MAK: variants seen among roughly 807,000 people sequenced by gnomAD.
MAK encodes the protein serine/threonine-protein kinase MAK.
In MAK, 65 loss-of-function variants were observed where a neutral mutation model predicts 82.6. That is an observed-to-expected ratio of 0.79 (90% CI 0.64 to 0.97). MAK has a LOEUF of 0.97. Ranked by LOEUF, MAK falls within the 50% of genes least tolerant of loss-of-function variation. The pLI, the probability that MAK is intolerant of heterozygous loss-of-function variation, is 0.00. For synonymous variants in MAK, 250 were observed against 274.2 expected, an observed-to-expected ratio of 0.91 and a Z score of 0.87; for missense variants, 703 against 780.2, an observed-to-expected ratio of 0.90 and a Z score of 1.18.
intron 6 of MAK, among the ~76,000 whole-genome samples, chr6:10,808,281 G>A (rs530074696): frequency 5.7e-4 from 87 of 152,158 alleles, no homozygotes; most frequent in East Asian, 2.3e-3. Context: ...TCTAAGATTC[G>A]TCCACATTGC....
intron 9 of MAK, among the ~76,000 whole-genome samples, chr6:10,794,009 T>TATC (rs1463318752): frequency 2.6e-5 from 4 of 152,190 alleles, no homozygotes; most frequent in Non-Finnish European, 4.4e-5. Flanking sequence ...AACTGAGAGT[T>TATC]ATCAGTCATT....
At chr6:10,785,774 G>A (rs1330087428) in intron 10 of MAK, among the ~76,000 whole-genome samples, 3 of 152,212 alleles carry the variant, frequency 2.0e-5, no homozygotes, top group Non-Finnish European at 4.4e-5. Flanking sequence ...GTCACTAGTG[G>A]CACTAAATGC....
rs1775551737 is a variant in MAK, at chr6:10,796,278, T to C, written c.863A>G (p.Gln288Arg). 3.1e-6 allele frequency: 5 copies of C among 1,613,828 alleles called. No individual in the cohort carries two copies. The highest frequency in any genetic ancestry group is 2.2e-5 in the South Asian group (2 of 91,084). ...ALKHPYFQVG[Q>R]VLGPSSNHLE... is the part of the protein sequence containing the mutation. Reference sequence around the variant, plus strand: ...ATGATTTGACGAAGGGCCTAATACCTGACCAACTTGAAAATATGGGTGTTT... The same window carrying C: ...ATGATTTGACGAAGGGCCTAATACCCGACCAACTTGAAAATATGGGTGTTT... The change falls in exon 9 of 15, where the codon CAG becomes CGG. Residue 288 changes from glutamine (Q) to arginine (R), a missense_variant. Transcript: ENST00000354489.
At chr6:10,813,126 ATATATATAAATTTTTTTT>A (rs1561987528) in intron 5 of MAK, among the ~76,000 whole-genome samples, 3 of 682 alleles carry the variant, frequency 4.4e-3, no homozygotes, top group Non-Finnish European at 9.0e-3. Context: ...ATATATATAT[ATATATATAAATTTTTTTT>A]TTTTTTTTTT....
At chr6:10,828,668 G>A (rs978111740) in intron 2 of MAK, among the ~76,000 whole-genome samples, 1 of 152,010 alleles carries the variant, frequency 6.6e-6, no homozygotes, top group African/African-American at 2.4e-5. Flanking sequence ...TGTGGTACAC[G>A]CCTACAGTCC....
At position 10,776,675 on chromosome 6, in the gene MAK, T is replaced by C. The variant is rs1773479287; in HGVS notation, c.1466-1216A>G. ...TCCCTTATTTTGAAACCAGAAATAC[T>C]GCACCTCAAAAGTTACCCATTATCA... On this transcript the variant is annotated intron_variant, in intron 11 of 14. Coordinates refer to ENST00000354489, the MANE Select transcript of MAK (RefSeq NM_001242957.3). The surrounding 1 kb of genome is among the most constrained non-coding windows in gnomAD (Gnocchi z 4.3). Among the ~76,000 whole-genome samples, 3 of 152,202 alleles carry C rather than the reference T, an allele frequency of 2.0e-5. No homozygotes were observed. The highest frequency in any genetic ancestry group is 4.1e-4 in the South Asian group (2 of 4,836).
At chr6:10,823,691 G>A (rs1178649870) in intron 2 of MAK, among the ~76,000 whole-genome samples, 4 of 152,024 alleles carry the variant, frequency 2.6e-5, no homozygotes, top group Non-Finnish European at 5.9e-5. Flanking sequence ...GACCACACCC[G>A]GCTAATTTTT....
rs1778740176 is a variant in MAK, at chr6:10,830,562, C to T, written c.87G>A (p.Leu29=). 1.2e-6 allele frequency: 2 copies of T among 1,613,820 alleles called. No homozygotes were observed. Among genetic ancestry groups the T allele is most frequent in the Admixed American group, 1.7e-5 (1 of 59,998 alleles). The stretch of plus-strand genomic sequence containing the variant: ...ACACACAGTACCTTTTGATGGCCAC[C>T]AGCTCCCCGGATTCATTACTCTTGC... The part of the protein sequence containing the change: ...LMGKSNESGE[L]VAIKRMKRKF... Residue 29 remains leucine (L), a synonymous_variant, in exon 2 of 15, where the codon CTG becomes CTA. Coordinates refer to ENST00000354489, the MANE Select transcript of MAK (RefSeq NM_001242957.3).
chr6:10,830,486 G>C lies in MAK; in HGVS notation c.101+62C>G, dbSNP rs944888273. On this transcript the variant is annotated intron_variant, in intron 2 of 14. Transcript: ENST00000354489. ...CCTGTGCTGGTATATATTCTTAAGC[G>C]AGGACAGGAAAATAAAGAGCAGAGT... is the stretch of plus-strand genomic sequence containing the variant. 3.7e-6 allele frequency: 5 copies of C among 1,352,244 alleles called. No homozygotes were observed. The African/African-American group carries it at 5.7e-5, about 15-fold the overall frequency. The allele number at this position is 1,352,244 out of a possible 1,614,324, so 83.8% of individuals were successfully genotyped here.
chr6:10,765,471 T>TTTTTTTTTTTTTTTA lies in MAK; in HGVS notation c.1793-866_1793-865insTAAAAAAAAAAAAAA, dbSNP rs1561923828. 6.9e-4 allele frequency among the ~76,000 whole-genome samples: 79 copies of TTTTTTTTTTTTTTTA among 115,046 alleles called. 3 individuals are homozygous for TTTTTTTTTTTTTTTA. Among genetic ancestry groups the TTTTTTTTTTTTTTTA allele is most frequent in the African/African-American group, 2.6e-3 (78 of 29,658 alleles). The allele number at this position is 115,046 out of a possible 152,430, so 75.5% of individuals were successfully genotyped here. A position where few individuals can be genotyped will look rare whatever the true frequency, so the allele number is the denominator to read the frequency against. On this transcript the variant is annotated intron_variant, in intron 14 of 14. Coordinates refer to ENST00000354489, the MANE Select transcript of MAK (RefSeq NM_001242957.3). ...TTTTTTTTTTTTTTTTTTTTTTTTTTTTAATGAGGCAGAGTTTCGCCCTTG... is the reference window on the plus strand; with the variant it reads ...TTTTTTTTTTTTTTTTTTTTTTTTTTTTTTTTTTTTTTTTATTAATGAGGCAGAGTTTCGCCCTTG...
chr6:10,805,469 C>T (rs1354540914), intron 6 of MAK, among the ~76,000 whole-genome samples: 1 of 151,496 alleles, frequency 6.6e-6, no homozygotes, highest in Non-Finnish European at 1.5e-5. Flanking sequence ...CGTCTGTAAG[C>T]TCAGCTACTC....
chr6:10,789,541 A>G (rs1774898049), intron 10 of MAK, among the ~76,000 whole-genome samples: 1 of 152,228 alleles, frequency 6.6e-6, no homozygotes, highest in Non-Finnish European at 1.5e-5. Flanking sequence ...ATAGATACCT[A>G]TGAGGAAGTT....
In MAK at chr6:10,796,310, C is replaced by T; in HGVS notation, c.832-1G>A. On this transcript the variant is annotated splice_acceptor_variant, in intron 8 of 14. Coordinates refer to ENST00000354489, the MANE Select transcript of MAK (RefSeq NM_001242957.3). LOFTEE classifies it high-confidence loss of function. Reference sequence around the variant, plus strand: ...CTTGAAAATATGGGTGTTTCAATGCCTATAAAAACACAGAGAAAACAACAA... The same window carrying T: ...CTTGAAAATATGGGTGTTTCAATGCTTATAAAAACACAGAGAAAACAACAA... 1.2e-6 allele frequency: 2 copies of T among 1,609,974 alleles called. No homozygotes were observed. Among genetic ancestry groups the T allele is most frequent in the Non-Finnish European group, 1.7e-6 (2 of 1,178,012 alleles).
chr6:10,791,887 A>G, intron 9 of MAK, 40 bp from the exon 10 acceptor site: 1 of 1,601,444 alleles, frequency 6.2e-7, no homozygotes, highest in Non-Finnish European at 8.6e-7. Flanking sequence ...TTAATCATGT[A>G]CTGAATGCCT....
chr6:10,825,499 A>G (rs1014162168), intron 2 of MAK, among the ~76,000 whole-genome samples: 1 of 151,916 alleles, frequency 6.6e-6, no homozygotes. Flanking sequence ...TTCTCCCTCT[A>G]AAGAGTTTCA....
intron 2 of MAK, among the ~76,000 whole-genome samples, chr6:10,820,040 A>C (rs1024415190): frequency 1.2e-4 from 18 of 151,746 alleles, no homozygotes; most frequent in Non-Finnish European, 2.1e-4. Context: ...TGAACCCGGG[A>C]GGTGGAGCTT....
chr6:10,800,599 G>A lies in MAK; in HGVS notation c.831+1293C>T, dbSNP rs1775941650. Among the ~76,000 whole-genome samples, 1 of 151,968 alleles carries A rather than the reference G, an allele frequency of 6.6e-6. No homozygotes were observed. Among genetic ancestry groups the A allele is most frequent in the African/African-American group, 2.4e-5 (1 of 41,372 alleles). ...TCACACCTGTAATCCCAGCACTTTG[G>A]GAGGCCAAGGAGGGCAGATCACCTG... On this transcript the variant is annotated intron_variant, in intron 8 of 14. Coordinates refer to ENST00000354489, the MANE Select transcript of MAK (RefSeq NM_001242957.3). This position sits in a 1 kb window ranked among gnomAD's most constrained non-coding sequence, Gnocchi z 4.2.
At position 10,772,285 on chromosome 6, in the gene MAK, CACTG is replaced by C. The variant is rs559913641; in HGVS notation, c.1672+745_1672+748del. Among the ~76,000 whole-genome samples, 363 of 152,000 alleles carry C rather than the reference CACTG, an allele frequency of 2.4e-3. No homozygotes were observed. The Middle Eastern group carries it at 0.027, about 11-fold the overall frequency. ...TTGTTAGCACTGTTGAAACCAGTAA[CACTG>C]AACCCCTAGGAAATCCACCATCTCT... On this transcript the variant is annotated intron_variant, in intron 13 of 14. Transcript: ENST00000354489.
At position 10,784,534 on chromosome 6, in the gene MAK, G is replaced by T. The variant is rs547372600; in HGVS notation, c.1355C>A (p.Thr452Lys). 6.2e-7 allele frequency: 1 copy of T among 1,614,208 alleles called. No homozygotes were observed. The highest frequency in any genetic ancestry group is 1.1e-5 in the South Asian group (1 of 91,086). The change falls in exon 11 of 15, where the codon ACA becomes AAA. Residue 452 changes from threonine to lysine, a missense_variant. By Grantham distance (78) the Thr-to-Lys change is moderately conservative. Transcript: ENST00000354489. Reference protein sequence around the residue: ...EPVPSGSNHSTGENKSLPAVT... With the variant: ...EPVPSGSNHSKGENKSLPAVT... ...AGCAGGTAAGCTCTTGTTTTCCCCT[G>T]TCGAGTGGTTGGAGCCTGAGGGTAC...
Sources: gnomAD v4.1 joint callset for allele counts (sites outside exome capture counted in the v4.1 genomes callset) on GRCh38, gnomAD v4.1.1 for gene constraint, Gnocchi (gnomAD v3.1) non-coding constraint, MANE v1.5 for transcripts, NCBI Gene and HGNC (gene_info 2026-07-23, HGNC 2026-07-21) for gene names.